The following RREB1 variants were observed in gnomAD, a reference collection of about 807,000 sequenced individuals.
RREB1 encodes the protein ras-responsive element-binding protein 1.
A neutral mutation model predicts 117.8 loss-of-function variants in RREB1; 27 were observed. The ratio of observed to expected loss-of-function variants is 0.23; its 90% CI spans 0.17 to 0.32. The LOEUF (loss-of-function observed/expected upper bound fraction) is 0.32. Ranked by LOEUF, RREB1 falls within the 10% of genes least tolerant of loss-of-function variation. The probability of loss-of-function intolerance (pLI) is 1.00; values close to 1 mark genes in which losing one functional copy is unlikely to be tolerated. For synonymous variants in RREB1, 1,298 were observed against 1,026.7 expected, an observed-to-expected ratio of 1.26 and a Z score of -5.05; for missense variants, 2,577 against 2,378.2, an observed-to-expected ratio of 1.08 and a Z score of -1.74.
chr6:7,196,234 T>TG (rs1765670442), intron 6 of RREB1, among the ~76,000 whole-genome samples: 1 of 148,798 alleles, frequency 6.7e-6, no homozygotes, highest in African/African-American at 2.5e-5. Flanking sequence ...TTTTTTTGTT[T>TG]TTTTTTTTTT....
At chr6:7,126,553 G>A (rs1384239867) in intron 1 of RREB1, among the ~76,000 whole-genome samples, 2 of 152,268 alleles carry the variant, frequency 1.3e-5, no homozygotes, top group South Asian at 2.1e-4. Flanking sequence ...ACAGGCATGA[G>A]CCACTGTGCT....
chr6:7,212,558 T>A (rs1291128472), intron 8 of RREB1: 2 of 152,202 alleles, frequency 1.3e-5, no homozygotes, highest in African/African-American at 4.8e-5. Context: ...AAAGAACTAC[T>A]TAGGAACCCC....
At chr6:7,138,095 C>A (rs770423348) in intron 1 of RREB1, among the ~76,000 whole-genome samples, 5 of 152,082 alleles carry the variant, frequency 3.3e-5, no homozygotes, top group African/African-American at 4.8e-5. Context: ...CCTTTGTGCA[C>A]TTTAACTCAA....
chr6:7,122,525 C>G (rs1484570534), intron 1 of RREB1, among the ~76,000 whole-genome samples: 3 of 152,200 alleles, frequency 2.0e-5, no homozygotes, highest in Non-Finnish European at 4.4e-5. Flanking sequence ...TTTGGCCTCC[C>G]AAAGTGCTGG....
chr6:7,112,088 C>T (rs1287599814), intron 1 of RREB1, among the ~76,000 whole-genome samples: 2 of 152,186 alleles, frequency 1.3e-5, no homozygotes, highest in African/African-American at 4.8e-5. Context: ...TTTCATTCCA[C>T]CTCCCTAGTG....
chr6:7,203,481 C>G (rs6921580), intron 6 of RREB1, among the ~76,000 whole-genome samples: 94,659 of 152,138 alleles, frequency 0.62, 30,692 homozygotes, highest in African/African-American at 0.79. Flanking sequence ...AGGAACTGCT[C>G]TCTCCAAATA....
intron 11 of RREB1, among the ~76,000 whole-genome samples, chr6:7,243,795 ATTTC>A (rs372420680): frequency 9.2e-4 from 139 of 151,694 alleles, no homozygotes; most frequent in African/African-American, 3.2e-3. Context: ...TTGATCTTAT[ATTTC>A]TTTGGGTTTT....
At position 7,228,925 on chromosome 6, in the gene RREB1, C is replaced by G. The variant is rs1767744260; in HGVS notation, c.898-72C>G. 3 of 1,325,736 alleles carry G rather than the reference C, an allele frequency of 2.3e-6. No homozygotes were observed. The Admixed American group carries it at 7.9e-5, about 35-fold the overall frequency. The allele number at this position is 1,325,736 out of a possible 1,614,324, so 82.1% of individuals were successfully genotyped here. A position where few individuals can be genotyped will look rare whatever the true frequency, so the allele number is the denominator to read the frequency against. ...ATAAATGTACAACAAATACTTTGTGCATCTCCGTTTAGTGATTATTTTTTC... is the reference window on the plus strand; with the variant it reads ...ATAAATGTACAACAAATACTTTGTGGATCTCCGTTTAGTGATTATTTTTTC... On this transcript the variant is annotated intron_variant, in intron 9 of 12. Transcript: ENST00000379938.
intron 1 of RREB1, among the ~76,000 whole-genome samples, chr6:7,149,511 G>A (rs963048292): frequency 6.6e-6 from 1 of 152,124 alleles, no homozygotes; most frequent in Non-Finnish European, 1.5e-5. Flanking sequence ...GAGGTGACTT[G>A]TTCTGTTTTT....
chr6:7,211,717 A>G lies in RREB1; in HGVS notation c.707+8A>G, dbSNP rs1766615893. On this transcript the variant is annotated splice_region_variant and intron_variant, in intron 8 of 12. Coordinates refer to ENST00000379938, the MANE Select transcript of RREB1 (RefSeq NM_001003699.4). ...TTCAGATAACCCACTAAGGTAGGAG[A>G]AAGAGTGAACTAGACCTTGTTCATT... 1 of 1,614,016 alleles carries G rather than the reference A, an allele frequency of 6.2e-7. No homozygotes were observed. The highest frequency in any genetic ancestry group is 8.5e-7 in the Non-Finnish European group (1 of 1,179,860).
chr6:7,179,394 G>A (rs760645810), intron 2 of RREB1, among the ~76,000 whole-genome samples: 6 of 152,144 alleles, frequency 3.9e-5, no homozygotes, highest in Non-Finnish European at 8.8e-5. Flanking sequence ...AAGTAGCTGG[G>A]AGTAGCCCTC....
intron 1 of RREB1, among the ~76,000 whole-genome samples, chr6:7,129,239 G>T (rs1468565611): frequency 2.0e-5 from 3 of 152,252 alleles, no homozygotes; most frequent in African/African-American, 7.2e-5. Context: ...AGCCCAGCAG[G>T]AAAGCAGGTT....
intron 6 of RREB1, among the ~76,000 whole-genome samples, chr6:7,201,262 G>A (rs1304692973): frequency 6.6e-6 from 1 of 152,176 alleles, no homozygotes; most frequent in African/African-American, 2.4e-5. Context: ...AGTCAAGAGG[G>A]AGCCTGACTT....
intron 1 of RREB1, among the ~76,000 whole-genome samples, chr6:7,113,641 G>A (rs1761256094): frequency 6.6e-6 from 1 of 152,174 alleles, no homozygotes; most frequent in Non-Finnish European, 1.5e-5. Flanking sequence ...TAGCCCTGTA[G>A]AACAGCTGCT....
At position 7,238,776 on chromosome 6, in the gene RREB1, TC is replaced by T. The variant is rs568158939; in HGVS notation, c.3809-1661del. On this transcript the variant is annotated intron_variant, in intron 10 of 12. Coordinates refer to ENST00000379938, the MANE Select transcript of RREB1 (RefSeq NM_001003699.4). ...TGTCTGATTCTGCCCTTTCCGGGTT[TC>T]TAATTCTGTTGTCTTTGATTGTTGC... Among the ~76,000 whole-genome samples the T allele has an allele frequency of 1.2e-4, 19 of 152,302 alleles. No homozygotes were observed. The South Asian group carries it at 3.9e-3, about 32-fold the overall frequency.
At chr6:7,143,789 A>G (rs1762734482) in intron 1 of RREB1, among the ~76,000 whole-genome samples, 1 of 151,128 alleles carries the variant, frequency 6.6e-6, no homozygotes, top group Non-Finnish European at 1.5e-5. Flanking sequence ...GTTAGATACA[A>G]CTGGCCTCTG....
intron 10 of RREB1, among the ~76,000 whole-genome samples, chr6:7,232,597 AAAC>A (rs1768067719): frequency 6.6e-6 from 1 of 152,054 alleles, no homozygotes; most frequent in Non-Finnish European, 1.5e-5. Context: ...TGAAGCAGGA[AAAC>A]AACTCCTTCC....
chr6:7,150,523 T>A (rs1763069407), intron 1 of RREB1, among the ~76,000 whole-genome samples: 1 of 152,084 alleles, frequency 6.6e-6, no homozygotes, highest in African/African-American at 2.4e-5. Flanking sequence ...CTGATTGCTA[T>A]GCTGAAGGTA....
rs758136517 is a variant in RREB1, at chr6:7,240,466, C to G, written c.3837C>G (p.Cys1279Trp). Residue 1279 changes from cysteine to tryptophan, a missense_variant, in exon 11 of 13, where the codon TGC becomes TGG. Physicochemically the swap from Cys to Trp is radical, Grantham distance 215 (BLOSUM62 -2). Coordinates refer to ENST00000379938, the MANE Select transcript of RREB1 (RefSeq NM_001003699.4). ...TGQKPFPCQK[C>W]DAFFSTKSNC... The stretch of plus-strand genomic sequence containing the variant: ...AGAAACCCTTCCCTTGTCAAAAATG[C>G]GATGCCTTCTTTTCTACCAAATCTA... The G allele has an allele frequency of 6.2e-7, 1 of 1,613,514 alleles. No homozygotes were observed. Among genetic ancestry groups the G allele is most frequent in the Admixed American group, 1.7e-5 (1 of 59,974 alleles).
Sources: allele counts gnomAD v4.1 joint callset (sites outside exome capture counted in the v4.1 genomes callset), GRCh38; gene constraint gnomAD v4.1.1; transcripts MANE v1.5; gene names NCBI Gene and HGNC (gene_info 2026-07-23, HGNC 2026-07-21).